Variants in ADAMTSL1 observed in about 807,000 individuals in gnomAD.
ADAMTSL1 encodes the protein ADAMTS like 1, also known as ADAMTS-like protein 1.
Under a neutral mutation model 201.8 loss-of-function variants are expected in ADAMTSL1, and 126 were observed. The ratio of observed to expected loss-of-function variants is 0.62; its 90% confidence interval spans 0.54 to 0.72. ADAMTSL1 has a LOEUF of 0.72. ADAMTSL1 is among the 30% of genes least tolerant of loss of function. The pLI, the probability that ADAMTSL1 is intolerant of heterozygous loss-of-function variation, is 0.00. For synonymous variants in ADAMTSL1, 1,121 were observed against 903.4 expected (o/e 1.24, Z -4.32); for missense variants, 2,679 against 2,277.8 (o/e 1.18, Z -3.59).
intron 26 of ADAMTSL1, among the ~76,000 whole-genome samples, chr9:18,902,009 C>T (rs1035680533): frequency 2.0e-5 from 3 of 152,102 alleles, no homozygotes; most frequent in Non-Finnish European, 4.4e-5. Context: ...GGTAGCTATA[C>T]TAAATCAAAC....
chr9:18,082,084 C>T (rs1357171756), intron 1 of ADAMTSL1, among the ~76,000 whole-genome samples: 1 of 152,142 alleles, frequency 6.6e-6, no homozygotes, highest in Non-Finnish European at 1.5e-5. Flanking sequence ...TAACACAAAA[C>T]CAAAATGCAA....
intron 2 of ADAMTSL1, among the ~76,000 whole-genome samples, chr9:18,517,954 T>G (rs568053892): frequency 9.9e-5 from 15 of 152,204 alleles, no homozygotes; most frequent in African/African-American, 3.4e-4. Context: ...TCCTTCTGTA[T>G]GTTTCTTCCT....
At chr9:18,515,707 T>C (rs1030693560) in intron 2 of ADAMTSL1, among the ~76,000 whole-genome samples, 5 of 152,140 alleles carry the variant, frequency 3.3e-5, no homozygotes, top group African/African-American at 1.2e-4. Context: ...GGGAGAGAAG[T>C]CATGGATACA....
intron 7 of ADAMTSL1, among the ~76,000 whole-genome samples, chr9:18,655,573 T>C (rs1587815228): frequency 6.6e-6 from 1 of 151,984 alleles, no homozygotes; most frequent in Admixed American, 6.6e-5. Context: ...AAGATTTTTT[T>C]CCCTTACTTC....
At chr9:18,221,221 C>T (rs1003479668) in intron 2 of ADAMTSL1, among the ~76,000 whole-genome samples, 8 of 152,130 alleles carry the variant, frequency 5.3e-5, no homozygotes, top group Non-Finnish European at 1.0e-4. Context: ...TTTTAACCCC[C>T]GCAAATTGGA....
At chr9:18,586,805 G>A (rs953326181) in intron 4 of ADAMTSL1, among the ~76,000 whole-genome samples, 10 of 151,952 alleles carry the variant, frequency 6.6e-5, no homozygotes, top group Middle Eastern at 3.2e-3. Flanking sequence ...ACCTATGACC[G>A]TCTGATCTTT....
chr9:18,481,882 C>A (rs1031658051), intron 1 of ADAMTSL1, among the ~76,000 whole-genome samples: 1 of 152,128 alleles, frequency 6.6e-6, no homozygotes. Context: ...TTATGTGTGA[C>A]CAATGTCTAG....
chr9:18,906,698 G>A lies in ADAMTSL1; in HGVS notation c.4968G>A (p.Val1656=), dbSNP rs1163466915. The change falls in exon 28 of 29, where the codon GTG becomes GTA. Residue 1656 remains valine, a synonymous_variant. Transcript: ENST00000380548. The part of the protein sequence containing the change: ...SEQCSALPRP[V]STQNCWSEAC... ...TGCCACCATCCTCCTGCAGGCCTGT[G>A]AGCACCCAGAACTGCTGGTCAGAGG... 3.8e-6 allele frequency: 6 copies of A among 1,592,596 alleles called. No homozygotes were observed. The highest frequency in any genetic ancestry group is 1.7e-4 in the Middle Eastern group (1 of 6,012).
At chr9:18,437,048 T>C (rs1344897992) in intron 2 of ADAMTSL1, among the ~76,000 whole-genome samples, 1 of 151,452 alleles carries the variant, frequency 6.6e-6, no homozygotes, top group Non-Finnish European at 1.5e-5. Flanking sequence ...AGCCAGTCAT[T>C]GGCTGTGGGT....
At chr9:18,727,305 C>T (rs2133458513) in intron 15 of ADAMTSL1, among the ~76,000 whole-genome samples, 1 of 152,334 alleles carries the variant, frequency 6.6e-6, no homozygotes, top group East Asian at 1.9e-4. Flanking sequence ...TCCTAAATTT[C>T]CATACGCTGC....
intron 27 of ADAMTSL1, among the ~76,000 whole-genome samples, chr9:18,906,253 T>A (rs1830305806): frequency 6.6e-6 from 1 of 152,114 alleles, no homozygotes; most frequent in Admixed American, 6.5e-5. Context: ...CTCTTGTTGA[T>A]CTCCCTCTAG....
intron 19 of ADAMTSL1, among the ~76,000 whole-genome samples, chr9:18,778,377 G>A (rs978144712): frequency 2.6e-5 from 4 of 152,228 alleles, no homozygotes; most frequent in African/African-American, 9.6e-5. Context: ...TGAGCCCATC[G>A]TGTATCTGTG....
intron 20 of ADAMTSL1, among the ~76,000 whole-genome samples, chr9:18,801,222 C>G (rs1481431025): frequency 6.6e-6 from 1 of 151,988 alleles, no homozygotes; most frequent in African/African-American, 2.4e-5. Context: ...AATGTTGACC[C>G]TAAAAAACAA....
chr9:18,296,188 T>G (rs1833470761), intron 2 of ADAMTSL1, among the ~76,000 whole-genome samples: 1 of 152,192 alleles, frequency 6.6e-6, no homozygotes, highest in African/African-American at 2.4e-5. Flanking sequence ...ACTAGTCTCT[T>G]GAGCAAGTCA....
Position 18,553,210 on chromosome 9 carries a change from CT to C in ADAMTSL1, c.237+19933del, listed in dbSNP as rs35874115. Among the ~76,000 whole-genome samples, 902 of 135,832 alleles carry C rather than the reference CT, an allele frequency of 6.6e-3. 3 individuals are homozygous for C. Among genetic ancestry groups the C allele is most frequent in the Non-Finnish European group, 6.5e-3 (408 of 63,032 alleles). The allele number at this position is 135,832 out of a possible 152,430, so 89.1% of individuals were successfully genotyped here. On this transcript the variant is annotated intron_variant, in intron 3 of 28. Transcript: ENST00000380548. ...TTGACTTCTTAGAGCTAGTCCCAGT[CT>C]TTTTTTTTTTTTTTCTTATTATACT...
chr9:18,657,898 C>A, intron 8 of ADAMTSL1, 148 bp downstream of exon 8: 1 of 645,142 alleles, frequency 1.6e-6, no homozygotes, highest in South Asian at 1.9e-5. Flanking sequence ...TCTCGAGGCC[C>A]TCCTGTAAGG....
intron 2 of ADAMTSL1, among the ~76,000 whole-genome samples, chr9:18,448,872 A>G (rs1309520201): frequency 6.6e-6 from 1 of 152,168 alleles, no homozygotes; most frequent in Admixed American, 6.5e-5. Context: ...CTATGGTTAC[A>G]AGGCTCGAAT....
At chr9:18,646,817 C>T (rs1179553807) in intron 7 of ADAMTSL1, among the ~76,000 whole-genome samples, 4 of 152,002 alleles carry the variant, frequency 2.6e-5, no homozygotes, top group African/African-American at 9.7e-5. Context: ...ATTTTTGCAT[C>T]AATGTTCATC....
chr9:18,863,877 G>C (rs918741730), intron 23 of ADAMTSL1, among the ~76,000 whole-genome samples: 8 of 152,142 alleles, frequency 5.3e-5, no homozygotes, highest in African/African-American at 1.9e-4. Flanking sequence ...GTGTTTTCCA[G>C]TTTTGGAAAA....
Sources: allele counts gnomAD v4.1 joint callset (sites outside exome capture counted in the v4.1 genomes callset), GRCh38; gene constraint gnomAD v4.1.1; transcripts MANE v1.5; gene names NCBI Gene and HGNC (gene_info 2026-07-23, HGNC 2026-07-21).